DOC2B: variants seen among roughly 807,000 people sequenced by gnomAD.
DOC2B encodes double C2-like domain-containing protein beta.
DOC2B carries 21 observed loss-of-function variants against 28.9 expected under a neutral mutation model. The ratio of observed to expected loss-of-function variants is 0.73; its 90% CI spans 0.52 to 1.05. DOC2B has a LOEUF of 1.05. DOC2B is among the 50% of genes least tolerant of loss of function. The pLI is 0.00. For missense variants in DOC2B, 384 were observed against 421.1 expected (o/e 0.91, Z 0.77); for synonymous variants, 194 against 178.1 (o/e 1.09, Z -0.71).
At chr17:155,743 G>A (rs2040126910) in intron 6 of DOC2B, among the ~76,000 whole-genome samples, 1 of 152,178 alleles carries the variant, frequency 6.6e-6, no homozygotes, top group Admixed American at 6.5e-5. Flanking sequence ...TCTCTCCCCA[G>A]GCCCACCATC....
chr17:164,354 G>A (rs2040238573), intron 2 of DOC2B, 150 bp from the exon 3 acceptor site: 1 of 634,696 alleles, frequency 1.6e-6, no homozygotes, highest in African/African-American at 1.8e-5. Flanking sequence ...TCCAGATGGA[G>A]GGAGTGAGGA....
intron 6 of DOC2B, among the ~76,000 whole-genome samples, chr17:153,261 G>A (rs967990773): frequency 6.6e-6 from 1 of 152,220 alleles, no homozygotes; most frequent in Non-Finnish European, 1.5e-5. Context: ...ACAGTGGACA[G>A]GCCCTGCCCA....
intron 6 of DOC2B, 157 bp downstream of exon 6, chr17:156,063 C>T: frequency 1.3e-6 from 1 of 773,608 alleles, no homozygotes; most frequent in Non-Finnish European, 2.0e-6. Flanking sequence ...CCATGCTTAA[C>T]CCCTGGAGTT....
rs531230798 is a variant in DOC2B at position 159,702 on chromosome 17, C to T, written c.765+1713G>A. On this transcript the variant is annotated intron_variant, in intron 5 of 8. Transcript: ENST00000613549. ...GCATCCCCAGCTGCACTCCTGCGGTCACTGTGAGTCCCTGAACGGCACCAA... is the reference window on the plus strand; with the variant it reads ...GCATCCCCAGCTGCACTCCTGCGGTTACTGTGAGTCCCTGAACGGCACCAA... 4.6e-5 allele frequency among the ~76,000 whole-genome samples: 7 copies of T among 152,294 alleles called. No individual in the cohort carries two copies. In the East Asian group the frequency reaches 9.6e-4, roughly 21 times the overall value.
intron 1 of DOC2B, among the ~76,000 whole-genome samples, chr17:177,560 G>C (rs1302492179): frequency 6.6e-6 from 1 of 152,240 alleles, no homozygotes; most frequent in South Asian, 2.1e-4. Context: ...CTCTCTGTGA[G>C]TGACCTCCGC....
chr17:172,334 G>GC (rs1375893432), intron 2 of DOC2B, among the ~76,000 whole-genome samples: 6 of 152,164 alleles, frequency 3.9e-5, no homozygotes, highest in African/African-American at 1.4e-4. Context: ...TCCCCGCAAT[G>GC]CCTGACTGTC....
chr17:160,953 T>C (rs112917800), intron 5 of DOC2B, among the ~76,000 whole-genome samples: 29 of 152,204 alleles, frequency 1.9e-4, no homozygotes, highest in African/African-American at 7.0e-4. Context: ...GTCCTCTGAG[T>C]GCAGCAAACA....
At chr17:161,622 C>T (rs1567532704) in intron 4 of DOC2B, 81 bp from the exon 5 acceptor site, 3 of 1,531,292 alleles carry the variant, frequency 2.0e-6, no homozygotes, top group East Asian at 2.5e-5. Context: ...GTAGGGCCAG[C>T]CCTGGCTTCT....
At chr17:178,786 G>A (rs1243967125) in intron 1 of DOC2B, among the ~76,000 whole-genome samples, 1 of 152,236 alleles carries the variant, frequency 6.6e-6, no homozygotes, top group African/African-American at 2.4e-5. Flanking sequence ...ATTTCTTTTT[G>A]TCAGAACAGA....
rs2040003636 is a variant in DOC2B at position 144,154 on chromosome 17, T to G, written c.*3287A>C. 6.6e-6 allele frequency: 1 copy of G among 151,724 alleles called. No homozygotes were observed. Among genetic ancestry groups the G allele is most frequent in the Non-Finnish European group, 1.5e-5 (1 of 67,768 alleles). The allele number at this position is 151,724 out of a possible 1,614,324, so 9.4% of individuals were successfully genotyped here. ...TTACTGACACCTGGAATGACTTTTTTTTTTTGGCATCAGATTTCCTGTCTT... is the reference window on the plus strand; with the variant it reads ...TTACTGACACCTGGAATGACTTTTTGTTTTTGGCATCAGATTTCCTGTCTT... On this transcript the variant is annotated 3_prime_UTR_variant, in exon 9 of 9. Coordinates refer to ENST00000613549, the MANE Select transcript of DOC2B (RefSeq NM_003585.5).
In DOC2B at chr17:163,265, A is replaced by G. The variant is rs1213628402; in HGVS notation, c.528+865T>C. 2.0e-5 allele frequency among the ~76,000 whole-genome samples: 3 copies of G among 152,084 alleles called. No individual in the cohort carries two copies. In the East Asian group the frequency reaches 5.8e-4, roughly 29 times the overall value. On this transcript the variant is annotated intron_variant, in intron 3 of 8. Coordinates refer to ENST00000613549, the MANE Select transcript of DOC2B (RefSeq NM_003585.5). ...CATATCCCTGAGCCCTTCTTGCAGC[A>G]TAAGGGCATCAAGACCCTGTGTGGG...
chr17:157,663 C>T (rs554071694), intron 5 of DOC2B, among the ~76,000 whole-genome samples: 6 of 152,272 alleles, frequency 3.9e-5, no homozygotes, highest in East Asian at 1.9e-4. Context: ...AGGCTGGTCT[C>T]GAATTCCTGA....
Position 148,250 on chromosome 17 carries a change from T to A in DOC2B, c.1025A>T (p.Lys342Met), listed in dbSNP as rs2040036465. Residue 342 changes from lysine to methionine, a missense_variant, in exon 8 of 9, where the codon AAG (lysine) becomes ATG (methionine). Lys to Met is a moderately conservative substitution (Grantham distance 95, BLOSUM62 -1). Coordinates refer to ENST00000613549, the MANE Select transcript of DOC2B (RefSeq NM_003585.5). Reference sequence around the variant, plus strand: ...GGACTTCTTGGCCAGGTCCCCATGCTTGATCTCGTAACAGAACTCCTGCTG... The same window carrying A: ...GGACTTCTTGGCCAGGTCCCCATGCATGATCTCGTAACAGAACTCCTGCTG... ...EFNEEFCYEI[K>M]HGDLAKKSLE... The A allele has an allele frequency of 2.5e-6, 1 of 398,534 alleles. No individual in the cohort carries two copies. 24.7% of individuals were successfully genotyped at this position (398,534 alleles called of 1,614,324 possible). A position where few individuals can be genotyped will look rare whatever the true frequency, so the allele number is the denominator to read the frequency against.
intron 5 of DOC2B, among the ~76,000 whole-genome samples, chr17:157,044 A>G (rs574464250): frequency 1.9e-4 from 29 of 152,298 alleles, no homozygotes; most frequent in African/African-American, 7.0e-4. Flanking sequence ...TGCCCTAAGG[A>G]CAGAGCTGCA....
chr17:179,081 G>C (rs1317725913), intron 1 of DOC2B, among the ~76,000 whole-genome samples: 8 of 152,222 alleles, frequency 5.3e-5, no homozygotes, highest in Non-Finnish European at 1.2e-4. Context: ...AGGGGCCCAA[G>C]CTGGCCCTAG....
intron 1 of DOC2B, among the ~76,000 whole-genome samples, chr17:180,091 G>A (rs2040421108): frequency 6.6e-6 from 1 of 152,260 alleles, no homozygotes; most frequent in Non-Finnish European, 1.5e-5. Flanking sequence ...CTGGAGAAGG[G>A]CCACATCCCG....
In DOC2B at chr17:176,406, G is replaced by A. The variant is rs374188081; in HGVS notation, c.374-3790C>T. On this transcript the variant is annotated intron_variant, in intron 1 of 8. Coordinates refer to ENST00000613549, the MANE Select transcript of DOC2B (RefSeq NM_003585.5). ...GTGGTGTTGGTGCGGGGGGTGCGGG[G>A]GGGTAGGTCTCACTACGTTGCTCAG... Among the ~76,000 whole-genome samples, 1,278 of 152,006 alleles carry A rather than the reference G, an allele frequency of 8.4e-3. 23 individuals carry two copies. Among genetic ancestry groups the A allele is most frequent in the African/African-American group, 0.029 (1,192 of 41,406 alleles).
intron 2 of DOC2B, among the ~76,000 whole-genome samples, chr17:169,880 A>C: frequency 6.6e-6 from 1 of 151,164 alleles, no homozygotes; most frequent in African/African-American, 2.4e-5. Context: ...TGGGCCTCCC[A>C]CCCCCACTTC....
intron 6 of DOC2B, 124 bp from the exon 7 acceptor site, chr17:149,316 A>C (rs2040047742): frequency 7.5e-6 from 3 of 397,592 alleles, no homozygotes; most frequent in Non-Finnish European, 1.3e-5. Flanking sequence ...CTTTTGTCCT[A>C]ATCATTGGAT....
Sources: gnomAD v4.1 joint callset for allele counts (sites outside exome capture counted in the v4.1 genomes callset) on GRCh38, gnomAD v4.1.1 for gene constraint, MANE v1.5 for transcripts, NCBI Gene and HGNC (gene_info 2026-07-23, HGNC 2026-07-21) for gene names.